UNC13B: variants seen among roughly 807,000 people sequenced by gnomAD.
UNC13B encodes the protein protein unc-13 homolog B.
In UNC13B, 144 loss-of-function variants were observed where a neutral mutation model predicts 211.0. That is an observed-to-expected ratio of 0.68 (90% CI 0.60 to 0.78). The LOEUF (loss-of-function observed/expected upper bound fraction) is 0.78. UNC13B is among the 30% of genes least tolerant of loss of function. The pLI is 0.00. For missense variants in UNC13B, 1,777 were observed against 2,002.0 expected (o/e 0.89, Z 2.14); for synonymous variants, 709 against 725.8 (o/e 0.98, Z 0.37).
intron 9 of UNC13B, among the ~76,000 whole-genome samples, chr9:35,309,087 C>T (rs1000853363): frequency 1.3e-5 from 2 of 152,142 alleles, no homozygotes; most frequent in African/African-American, 4.8e-5. Flanking sequence ...TGTAGTTCTT[C>T]AGTCTCGAGC....
intron 11 of UNC13B, among the ~76,000 whole-genome samples, chr9:35,333,875 G>A (rs1230137413): frequency 6.6e-6 from 1 of 152,194 alleles, no homozygotes. Flanking sequence ...TATGCTGGAG[G>A]CAGGAGCTCT....
chr9:35,290,248 C>T (rs16924323), intron 7 of UNC13B, among the ~76,000 whole-genome samples: 4,431 of 151,892 alleles, frequency 0.029, 219 homozygotes, highest in African/African-American at 0.1. Flanking sequence ...CTTTAAGGAC[C>T]CAATAGGCTA....
chr9:35,227,071 C>T (rs1824888202), intron 1 of UNC13B, among the ~76,000 whole-genome samples: 1 of 152,264 alleles, frequency 6.6e-6, no homozygotes, highest in African/African-American at 2.4e-5. Context: ...TGAAAAAGAA[C>T]ACCAGTTGGG....
At position 35,236,587 on chromosome 9, in the gene UNC13B, G is replaced by T. The variant is rs761050298; in HGVS notation, c.270+1G>T. 1 of 1,612,854 alleles carries T rather than the reference G, an allele frequency of 6.2e-7. No homozygotes were observed. The highest frequency in any genetic ancestry group is 1.1e-5 in the South Asian group (1 of 91,024). On this transcript the variant is annotated splice_donor_variant, in intron 4 of 39. Transcript: ENST00000635942. LOFTEE classifies it high-confidence loss of function. ...GAAGACTATTCGTCAGTCGGATGAG[G>T]TCAGTCATTGCATTTTCTGTTTGGA...
chr9:35,367,064 G>T, intron 12 of UNC13B, 71 bp downstream of exon 12: 1 of 1,427,738 alleles, frequency 7.0e-7, no homozygotes, highest in Non-Finnish European at 9.9e-7. Flanking sequence ...TTTTCCCCTG[G>T]GAAGCAGGGG....
At chr9:35,209,254 G>A (rs1823832983) in intron 1 of UNC13B, among the ~76,000 whole-genome samples, 2 of 152,090 alleles carry the variant, frequency 1.3e-5, no homozygotes, top group Non-Finnish European at 2.9e-5. Context: ...AGTAGAGATG[G>A]GGTTTTACCA....
chr9:35,353,401 T>A, intron 11 of UNC13B: 1 of 1,232,238 alleles, frequency 8.1e-7, no homozygotes, highest in Non-Finnish European at 1.0e-6. Flanking sequence ...CAGAGAACAG[T>A]GATCGACTTC....
At position 35,304,220 on chromosome 9, in the gene UNC13B, A is replaced by G. The variant is rs141086214; in HGVS notation, c.4816A>G (p.Ile1606Val). The G allele has an allele frequency of 4.9e-4, 197 of 398,834 alleles. No homozygotes were observed. In the Middle Eastern group the frequency reaches 8.8e-3, roughly 18 times the overall value. 24.7% of individuals were successfully genotyped at this position (398,834 alleles called of 1,614,324 possible). A position where few individuals can be genotyped will look rare whatever the true frequency, so the allele number is the denominator to read the frequency against. Reference sequence around the variant, plus strand: ...ATTTTGGTATGTTGAAGAGGAACCAATTGATGACCCTCTTGATTTATCTTT... The same window carrying G: ...ATTTTGGTATGTTGAAGAGGAACCAGTTGATGACCCTCTTGATTTATCTTT... ...EIFWYVEEEP[I>V]DDPLDLSLAL... The change falls in exon 9 of 40, where the codon ATT becomes GTT. Residue 1606 changes from isoleucine (I) to valine (V), a missense_variant. By Grantham distance (29) the Ile-to-Val change is conservative. Coordinates refer to ENST00000635942, the MANE Select transcript of UNC13B (RefSeq NM_001371189.2).
chr9:35,378,414 G>A lies in UNC13B; in HGVS notation c.10183G>A (p.Val3395Ile). 6.2e-7 allele frequency: 1 copy of A among 1,614,160 alleles called. No individual in the cohort carries two copies. Among genetic ancestry groups the A allele is most frequent in the Non-Finnish European group, 8.5e-7 (1 of 1,180,010 alleles). The stretch of plus-strand genomic sequence containing the variant: ...GACCATTTTTGGAAACTTGAATCCT[G>A]TTTGGGAGGAGAAGTTCCATTTGTA... ...TKTIFGNLNP[V>I]WEEKFHFECH... is the part of the protein sequence containing the mutation. Residue 3395 changes from valine to isoleucine, a missense_variant, in exon 17 of 40, where the codon GTT (valine) becomes ATT (isoleucine). Transcript: ENST00000635942.
At position 35,382,524 on chromosome 9, in the gene UNC13B, C is replaced by T; in HGVS notation, c.10806+17C>T. The T allele has an allele frequency of 6.3e-7, 1 of 1,591,462 alleles. No homozygotes were observed. The highest frequency in any genetic ancestry group is 8.5e-7 in the Non-Finnish European group (1 of 1,172,268). Reference sequence around the variant, plus strand: ...AACTTTGGGGTAAGTATCATGTAAACACATATGTCTGCATTTGTTACCAAT... The same window carrying T: ...AACTTTGGGGTAAGTATCATGTAAATACATATGTCTGCATTTGTTACCAAT... On this transcript the variant is annotated intron_variant, in intron 21 of 39. Transcript: ENST00000635942.
chr9:35,372,156 C>T (rs902700263), intron 13 of UNC13B, among the ~76,000 whole-genome samples: 3 of 152,196 alleles, frequency 2.0e-5, no homozygotes, highest in Non-Finnish European at 2.9e-5. Flanking sequence ...CCTGTAATCT[C>T]AGCTACTTGG....
intron 22 of UNC13B, 65 bp downstream of exon 22, chr9:35,384,379 G>T: frequency 6.4e-7 from 1 of 1,555,290 alleles, no homozygotes; most frequent in Non-Finnish European, 8.7e-7. Flanking sequence ...GAGACTGTAG[G>T]CCAATCTTGG....
chr9:35,232,177 C>CTTGTTTTTTTTTT (rs1825242883), intron 3 of UNC13B, among the ~76,000 whole-genome samples: 1 of 31,536 alleles, frequency 3.2e-5, no homozygotes, highest in Non-Finnish European at 5.9e-5. Flanking sequence ...TATATTGCTG[C>CTTGTTTTTTTTTT]TTTTTTTTTT....
intron 7 of UNC13B, among the ~76,000 whole-genome samples, chr9:35,280,944 C>A (rs147843913): frequency 4.5e-4 from 69 of 152,236 alleles, no homozygotes; most frequent in African/African-American, 1.6e-3. Flanking sequence ...GTTGTATATG[C>A]ATAAAGGTCA....
rs1261264819 is a variant in UNC13B, at chr9:35,313,977, C to A, written c.9402C>A (p.Leu3134=). The change falls in exon 11 of 40, where the codon CTC becomes CTA. Residue 3134 remains leucine (L), a synonymous_variant. Transcript: ENST00000635942. ...TCCGAGCAGTTACCAAGGTTCGACT[C>A]CAGCTGCAGGAGGTAGGAAATCTGT... ...HWIRAVTKVR[L]QLQEIPDDGD... 6.2e-7 allele frequency: 1 copy of A among 1,613,566 alleles called. No individual in the cohort carries two copies. The highest frequency in any genetic ancestry group is 1.1e-5 in the South Asian group (1 of 91,072).
At chr9:35,178,707 A>G (rs974492442) in intron 1 of UNC13B, among the ~76,000 whole-genome samples, 2 of 151,802 alleles carry the variant, frequency 1.3e-5, no homozygotes, top group Middle Eastern at 3.2e-3. Context: ...CGTGGCCAAC[A>G]TGGTGAAACC....
intron 7 of UNC13B, among the ~76,000 whole-genome samples, chr9:35,273,520 A>T (rs183441011): frequency 8.9e-4 from 136 of 152,252 alleles, no homozygotes; most frequent in East Asian, 3.9e-4. Context: ...ATAGCCTCTT[A>T]TTATTCTTGG....
intron 7 of UNC13B, among the ~76,000 whole-genome samples, chr9:35,259,796 CGG>C (rs563086434): frequency 7.1e-5 from 1 of 14,060 alleles, no homozygotes; most frequent in Non-Finnish European, 1.6e-4. Flanking sequence ...TAGGGGGATG[CGG>C]GGGGGGGGGA....
intron 1 of UNC13B, among the ~76,000 whole-genome samples, chr9:35,217,758 T>C (rs1453962229): frequency 6.6e-6 from 1 of 152,156 alleles, no homozygotes; most frequent in Non-Finnish European, 1.5e-5. Context: ...CAGAAAATAA[T>C]TAAGGCTGGG....
Sources: gnomAD v4.1 joint callset for allele counts (sites outside exome capture counted in the v4.1 genomes callset) on GRCh38, gnomAD v4.1.1 for gene constraint, MANE v1.5 for transcripts, NCBI Gene and HGNC (gene_info 2026-07-23, HGNC 2026-07-21) for gene names.